ATF6: variants seen among roughly 807,000 people sequenced by gnomAD.
ATF6 encodes activating transcription factor 6, also known as cyclic AMP-dependent transcription factor ATF-6 alpha.
ATF6 carries 53 observed loss-of-function variants against 83.6 expected under a neutral mutation model. The observed-to-expected ratio is 0.63, with a 90% CI of 0.51 to 0.80. The LOEUF (loss-of-function observed/expected upper bound fraction) is 0.80. Among genes scored for constraint, ATF6 ranks in the 30% least tolerant of loss-of-function variants. ATF6 has a pLI of 0.00. For synonymous variants in ATF6, 288 were observed against 285.8 expected (o/e 1.01, Z -0.08); for missense variants, 744 against 797.9 (o/e 0.93, Z 0.81).
intron 2 of ATF6, among the ~76,000 whole-genome samples, chr1:161,779,877 A>G (rs552978492): frequency 9.2e-5 from 14 of 152,054 alleles, no homozygotes; most frequent in African/African-American, 3.4e-4. Flanking sequence ...AGCTGGGACT[A>G]CAGGTGCATG....
Position 161,811,787 on chromosome 1 carries a change from C to CATA in ATF6, c.910-7846_910-7845insATA, listed in dbSNP as rs1553231083. 3.4e-4 allele frequency among the ~76,000 whole-genome samples: 52 copies of CATA among 151,134 alleles called. 1 individual carries two copies. The highest frequency in any genetic ancestry group is 1.4e-3 in the East Asian group (7 of 5,176). ...TCCATCCATCCATCCATCCATCCATCCATATACACACACAATTTTTTTCCT... is the reference window on the plus strand; with the variant it reads ...TCCATCCATCCATCCATCCATCCATCATACATATACACACACAATTTTTTTCCT... On this transcript the variant is annotated intron_variant, in intron 7 of 15. Coordinates refer to ENST00000367942, the MANE Select transcript of ATF6 (RefSeq NM_007348.4).
At chr1:161,918,330 CAT>C (rs1440168457) in intron 15 of ATF6, among the ~76,000 whole-genome samples, 2 of 152,086 alleles carry the variant, frequency 1.3e-5, no homozygotes, top group Admixed American at 1.3e-4. Context: ...GTAATTAAAA[CAT>C]ATACTAGGCT....
intron 14 of ATF6, among the ~76,000 whole-genome samples, chr1:161,900,335 G>A (rs997685341): frequency 4.6e-5 from 7 of 152,088 alleles, no homozygotes; most frequent in African/African-American, 7.2e-5. Flanking sequence ...TATGGACGAC[G>A]TGAGGAATAG....
intron 15 of ATF6, among the ~76,000 whole-genome samples, chr1:161,932,397 T>G (rs891702732): frequency 6.6e-6 from 1 of 152,164 alleles, no homozygotes; most frequent in African/African-American, 2.4e-5. Flanking sequence ...AACCAAGAAA[T>G]TTGATTTGAT....
intron 14 of ATF6, among the ~76,000 whole-genome samples, chr1:161,872,513 AAC>A (rs1687142251): frequency 6.6e-6 from 1 of 151,630 alleles, no homozygotes; most frequent in Admixed American, 6.6e-5. Context: ...CCAGCAGGGA[AAC>A]ACAGAGGAAA....
At chr1:161,894,494 T>G (rs904295411) in intron 14 of ATF6, among the ~76,000 whole-genome samples, 5 of 148,474 alleles carry the variant, frequency 3.4e-5, no homozygotes, top group Admixed American at 3.4e-4. Flanking sequence ...TTTCTTTGGT[T>G]ATTAGAGGCA....
intron 9 of ATF6, among the ~76,000 whole-genome samples, chr1:161,824,733 C>T (rs754851577): frequency 7.2e-5 from 11 of 152,090 alleles, no homozygotes; most frequent in Non-Finnish European, 1.5e-4. Flanking sequence ...CTTTTAGTTC[C>T]TCATTTCTTA....
chr1:161,843,031 G>A lies in ATF6; in HGVS notation c.1188-3418G>A, dbSNP rs937292825. Among the ~76,000 whole-genome samples the A allele has an allele frequency of 3.3e-5, 5 of 152,304 alleles. No individual in the cohort carries two copies. The East Asian group carries it at 9.6e-4, about 29-fold the overall frequency. ...CAATGCGTTTATTGCAGTTCAGTGTGGTAGATGGCTGGAGCCTATCCTGGT... is the reference window on the plus strand; with the variant it reads ...CAATGCGTTTATTGCAGTTCAGTGTAGTAGATGGCTGGAGCCTATCCTGGT... On this transcript the variant is annotated intron_variant, in intron 9 of 15. Coordinates refer to ENST00000367942, the MANE Select transcript of ATF6 (RefSeq NM_007348.4).
rs147564460 is a variant in ATF6, at chr1:161,952,851, T to C, written c.1805-5595T>C. Reference sequence around the variant, plus strand: ...TAGATGATGTGATTTTCTGAAATGATAGACAATTCTTGATTGAATTCAGAC... The same window carrying C: ...TAGATGATGTGATTTTCTGAAATGACAGACAATTCTTGATTGAATTCAGAC... On this transcript the variant is annotated intron_variant, in intron 15 of 15. Coordinates refer to ENST00000367942, the MANE Select transcript of ATF6 (RefSeq NM_007348.4). Among the ~76,000 whole-genome samples the C allele has an allele frequency of 2.7e-3, 410 of 152,220 alleles. 2 individuals are homozygous for C. Among genetic ancestry groups the C allele is most frequent in the African/African-American group, 9.3e-3 (386 of 41,528 alleles).
In ATF6 at chr1:161,894,521, C is replaced by CTT. The variant is rs71093131; in HGVS notation, c.1720-17743_1720-17742dup. Among the ~76,000 whole-genome samples the CTT allele has an allele frequency of 1.4e-3, 64 of 44,856 alleles. 3 individuals carry two copies. The highest frequency in any genetic ancestry group is 3.0e-3 in the African/African-American group (46 of 15,124). 29.4% of individuals were successfully genotyped at this position (44,856 alleles called of 152,430 possible). ...TTAGAGGCAACATTTGTTTTGTAGT[C>CTT]TTTTTTTTTTTTTTTTTTTTTTTTT... On this transcript the variant is annotated intron_variant, in intron 14 of 15. Transcript: ENST00000367942.
intron 14 of ATF6, among the ~76,000 whole-genome samples, chr1:161,890,394 C>T (rs1687522813): frequency 6.6e-6 from 1 of 152,230 alleles, no homozygotes; most frequent in Non-Finnish European, 1.5e-5. Context: ...TAGGGCTCCC[C>T]AGAAGTGAAC....
intron 15 of ATF6, among the ~76,000 whole-genome samples, chr1:161,925,013 T>A (rs1688283301): frequency 6.6e-6 from 1 of 152,218 alleles, no homozygotes; most frequent in Non-Finnish European, 1.5e-5. Context: ...TGTAAATTGT[T>A]CCTTTTCTGT....
chr1:161,838,554 C>T (rs1443356546), intron 9 of ATF6, among the ~76,000 whole-genome samples: 2 of 152,188 alleles, frequency 1.3e-5, no homozygotes, highest in Non-Finnish European at 2.9e-5. Flanking sequence ...CAGCTGGGAC[C>T]TGAGCCTGGG....
At chr1:161,884,235 A>G (rs1347638771) in intron 14 of ATF6, among the ~76,000 whole-genome samples, 1 of 152,122 alleles carries the variant, frequency 6.6e-6, no homozygotes, top group African/African-American at 2.4e-5. Context: ...TTTAAAATAT[A>G]AAACTAGGAA....
At chr1:161,936,529 A>C (rs897159116) in intron 15 of ATF6, among the ~76,000 whole-genome samples, 2 of 151,938 alleles carry the variant, frequency 1.3e-5, no homozygotes, top group Admixed American at 6.6e-5. Context: ...GTTCTACCCT[A>C]TCTCTCTCAT....
Position 161,894,727 on chromosome 1 carries a change from T to A in ATF6, c.1720-17569T>A, listed in dbSNP as rs533955152. On this transcript the variant is annotated intron_variant, in intron 14 of 15. Coordinates refer to ENST00000367942, the MANE Select transcript of ATF6 (RefSeq NM_007348.4). ...ATTTTTTTTTTTTTTTTTTTTTGTATTTTTAGCAGAGACGGGGTTTCACCA... is the reference window on the plus strand; with the variant it reads ...ATTTTTTTTTTTTTTTTTTTTTGTAATTTTAGCAGAGACGGGGTTTCACCA... Among the ~76,000 whole-genome samples the A allele has an allele frequency of 1.5e-4, 22 of 143,922 alleles. No homozygotes were observed. The East Asian group carries it at 4.4e-3, about 29-fold the overall frequency. The allele number at this position is 143,922 out of a possible 152,430, so 94.4% of individuals were successfully genotyped here. A position where few individuals can be genotyped will look rare whatever the true frequency, so the allele number is the denominator to read the frequency against.
At chr1:161,835,746 CTG>C (rs1686197501) in intron 9 of ATF6, among the ~76,000 whole-genome samples, 1 of 152,142 alleles carries the variant, frequency 6.6e-6, no homozygotes, top group African/African-American at 2.4e-5. Context: ...ACAGCATAAT[CTG>C]TGAAGGGAAC....
intron 14 of ATF6, 73 bp from the exon 15 acceptor site, chr1:161,912,223 A>G (rs1688005011): frequency 1.1e-6 from 1 of 933,478 alleles, no homozygotes; most frequent in Non-Finnish European, 1.6e-6. Context: ...GACCTCTTAG[A>G]AGCCCTGAAT....
chr1:161,845,284 A>G (rs916971310), intron 9 of ATF6, among the ~76,000 whole-genome samples: 1 of 152,080 alleles, frequency 6.6e-6, no homozygotes, highest in African/African-American at 2.4e-5. Flanking sequence ...ACCCTTTTTC[A>G]TTAGCCTTAC....
Sources: gnomAD v4.1 joint callset for allele counts (sites outside exome capture counted in the v4.1 genomes callset) on GRCh38, gnomAD v4.1.1 for gene constraint, MANE v1.5 for transcripts, NCBI Gene and HGNC (gene_info 2026-07-23, HGNC 2026-07-21) for gene names.